The following TMEM131 variants were observed in gnomAD, a reference collection of about 807,000 sequenced individuals.
The protein encoded by TMEM131 is 2610524E03Rik.
TMEM131 carries 66 observed loss-of-function variants against 211.6 expected under a neutral mutation model. The observed-to-expected ratio is 0.31, with a 90% confidence interval of 0.26 to 0.38. The LOEUF is 0.38. TMEM131 is among the 10% of genes least tolerant of loss of function. The pLI is 1.00. For missense variants in TMEM131, 2,036 were observed against 2,299.3 expected (o/e 0.89, Z 2.34); for synonymous variants, 844 against 841.3 (o/e 1.00, Z -0.06).
At chr2:97,876,147 A>G (rs1380295764) in intron 4 of TMEM131, among the ~76,000 whole-genome samples, 1 of 152,236 alleles carries the variant, frequency 6.6e-6, no homozygotes, top group Non-Finnish European at 1.5e-5. Flanking sequence ...CCCTCTCAAG[A>G]CTAAACCAGG....
At chr2:97,823,460 T>G (rs1682222594) in intron 11 of TMEM131, among the ~76,000 whole-genome samples, 1 of 152,212 alleles carries the variant, frequency 6.6e-6, no homozygotes, top group Non-Finnish European at 1.5e-5. Context: ...ATGCTATTGT[T>G]AGATCAAACC....
intron 1 of TMEM131, among the ~76,000 whole-genome samples, chr2:97,988,141 A>G (rs1435688677): frequency 6.6e-6 from 1 of 152,254 alleles, no homozygotes; most frequent in Non-Finnish European, 1.5e-5. Context: ...TAAAGTGTCC[A>G]GAAATAAACC....
At chr2:97,794,787 A>C (rs1339974299) in intron 29 of TMEM131, 143 bp downstream of exon 29, 1 of 599,114 alleles carries the variant, frequency 1.7e-6, no homozygotes, top group African/African-American at 1.9e-5. Flanking sequence ...TGTTCCCACC[A>C]GTCTGTGAGA....
intron 31 of TMEM131, among the ~76,000 whole-genome samples, chr2:97,784,970 G>A (rs562556011): frequency 6.6e-6 from 1 of 152,074 alleles, no homozygotes; most frequent in Non-Finnish European, 1.5e-5. Context: ...ATGATGGTAA[G>A]GGAATACTAT....
intron 1 of TMEM131, among the ~76,000 whole-genome samples, chr2:97,955,960 T>C (rs1175894879): frequency 6.6e-6 from 1 of 152,206 alleles, no homozygotes; most frequent in Non-Finnish European, 1.5e-5. Context: ...CAGCAACATA[T>C]TTCATACACA....
intron 31 of TMEM131, among the ~76,000 whole-genome samples, chr2:97,785,806 A>G (rs1680220885): frequency 6.6e-6 from 1 of 152,246 alleles, no homozygotes; most frequent in Non-Finnish European, 1.5e-5. Context: ...AACCTACAGT[A>G]CATCCATAAG....
chr2:97,813,803 A>T (rs1681681239), intron 15 of TMEM131, among the ~76,000 whole-genome samples, 168 bp downstream of exon 15: 1 of 152,250 alleles, frequency 6.6e-6, no homozygotes, highest in African/African-American at 2.4e-5. Context: ...AGCTGCCAGA[A>T]AAGGTAAAAA....
At chr2:97,939,088 A>G (rs1181647760) in intron 1 of TMEM131, among the ~76,000 whole-genome samples, 3 of 152,234 alleles carry the variant, frequency 2.0e-5, no homozygotes, top group Non-Finnish European at 2.9e-5. Flanking sequence ...AAAGATCTAA[A>G]ATTGACACAC....
intron 1 of TMEM131, among the ~76,000 whole-genome samples, chr2:97,933,651 A>T (rs1677322637): frequency 6.6e-6 from 1 of 152,100 alleles, no homozygotes; most frequent in Admixed American, 6.6e-5. Context: ...ATTAACTTAG[A>T]CAAAAAAAAA....
At chr2:97,875,947 G>A (rs1196279775) in intron 4 of TMEM131, among the ~76,000 whole-genome samples, 12 of 151,944 alleles carry the variant, frequency 7.9e-5, no homozygotes, top group Non-Finnish European at 8.8e-5. Flanking sequence ...TTTTGAAAAG[G>A]TCAACAAAAT....
chr2:97,853,755 G>A (rs1306421090), intron 5 of TMEM131, among the ~76,000 whole-genome samples: 1 of 152,152 alleles, frequency 6.6e-6, no homozygotes, highest in Non-Finnish European at 1.5e-5. Context: ...CTGTAGATGT[G>A]GTAGAAACAG....
rs1231426465 is a variant in TMEM131 at position 97,869,448 on chromosome 2, C to T, written c.360-10021G>A. Among the ~76,000 whole-genome samples the T allele has an allele frequency of 2.0e-5, 3 of 152,302 alleles. No individual in the cohort carries two copies. In the East Asian group the frequency reaches 5.8e-4, roughly 29 times the overall value. On this transcript the variant is annotated intron_variant, in intron 4 of 40. Transcript: ENST00000186436. ...AGGGATCAAAGAGGAAAGGCATGGG[C>T]CACATCCCATAGAAATGAATGAACC... is the stretch of plus-strand genomic sequence containing the variant.
intron 4 of TMEM131, among the ~76,000 whole-genome samples, chr2:97,876,671 T>C (rs1195794421): frequency 2.0e-5 from 3 of 152,118 alleles, no homozygotes; most frequent in Admixed American, 2.0e-4. Flanking sequence ...CTAAAAACTG[T>C]CAATAAACTA....
intron 31 of TMEM131, among the ~76,000 whole-genome samples, chr2:97,784,587 A>T (rs1399759626): frequency 6.6e-6 from 1 of 152,138 alleles, no homozygotes; most frequent in African/African-American, 2.4e-5. Flanking sequence ...AATTTGTGGG[A>T]CATCAATAAA....
chr2:97,983,906 C>T (rs970712182), intron 1 of TMEM131, among the ~76,000 whole-genome samples: 16 of 152,192 alleles, frequency 1.1e-4, no homozygotes, highest in African/African-American at 3.6e-4. Context: ...CACACCCTGA[C>T]TTTAGACTTC....
intron 11 of TMEM131, among the ~76,000 whole-genome samples, chr2:97,822,871 T>A (rs183327642): frequency 6.6e-6 from 1 of 152,118 alleles, no homozygotes; most frequent in Non-Finnish European, 1.5e-5. Flanking sequence ...TCCTAAGCCA[T>A]TGGGACCAAT....
chr2:97,913,119 G>C (rs1676356235), intron 2 of TMEM131: 1 of 152,048 alleles, frequency 6.6e-6, no homozygotes, highest in Non-Finnish European at 1.5e-5. Flanking sequence ...AAAAAACTAA[G>C]AGGCATTTTT....
chr2:97,805,230 C>T (rs1363400471), intron 21 of TMEM131, 25 bp from the exon 22 acceptor site: 5 of 1,598,474 alleles, frequency 3.1e-6, no homozygotes, highest in Admixed American at 1.7e-5. Flanking sequence ...CATACTTAAC[C>T]TGCATCTATA....
intron 33 of TMEM131, among the ~76,000 whole-genome samples, chr2:97,771,575 G>C (rs1320746422): frequency 6.6e-6 from 1 of 152,212 alleles, no homozygotes; most frequent in Non-Finnish European, 1.5e-5. Flanking sequence ...GTAGACAGCA[G>C]CTCCCGTGCT....
Sources: gnomAD v4.1 joint callset for allele counts (sites outside exome capture counted in the v4.1 genomes callset) on GRCh38, gnomAD v4.1.1 for gene constraint, MANE v1.5 for transcripts, NCBI Gene and HGNC (gene_info 2026-07-23, HGNC 2026-07-21) for gene names.